MTUS2: variants seen among roughly 807,000 people sequenced by gnomAD.
MTUS2 encodes microtubule-associated tumor suppressor candidate 2.
Under a neutral mutation model 114.1 loss-of-function variants are expected in MTUS2, and 40 were observed. The ratio of observed to expected loss-of-function variants is 0.35; its 90% CI spans 0.27 to 0.46. The LOEUF is 0.46. Ranked by LOEUF, MTUS2 falls within the 20% of genes least tolerant of loss-of-function variation. The probability of loss-of-function intolerance (pLI) is 1.00; values close to 1 mark genes in which losing one functional copy is unlikely to be tolerated. For synonymous variants in MTUS2, 688 were observed against 672.0 expected (o/e 1.02, Z -0.37); for missense variants, 1,679 against 1,705.4 (o/e 0.98, Z 0.27).
intron 3 of MTUS2, among the ~76,000 whole-genome samples, chr13:29,029,169 G>A (rs1886699133): frequency 6.6e-6 from 1 of 152,152 alleles, no homozygotes; most frequent in South Asian, 2.1e-4. Flanking sequence ...CTGCCAACAG[G>A]CCTCTGATTA....
intron 2 of MTUS2, among the ~76,000 whole-genome samples, chr13:28,956,768 C>T (rs1039823353): frequency 3.0e-4 from 45 of 149,566 alleles, no homozygotes; most frequent in African/African-American, 1.0e-3. Flanking sequence ...GGAAGTGTGG[C>T]GGGGACAGAG....
At chr13:28,822,900 A>G (rs147905514) in intron 1 of MTUS2, among the ~76,000 whole-genome samples, 1 of 152,368 alleles carries the variant, frequency 6.6e-6, no homozygotes, top group African/African-American at 2.4e-5. Context: ...TGCTGAGAAA[A>G]TGCAAACTGC....
chr13:29,391,774 G>A (rs1252160837), intron 8 of MTUS2, among the ~76,000 whole-genome samples: 2 of 151,804 alleles, frequency 1.3e-5, no homozygotes, highest in East Asian at 1.9e-4. Context: ...ATCATTTTAG[G>A]TGTCCAATTC....
chr13:28,989,958 C>T (rs751711013), intron 2 of MTUS2, among the ~76,000 whole-genome samples: 7 of 151,422 alleles, frequency 4.6e-5, no homozygotes, highest in Non-Finnish European at 7.4e-5. Context: ...TCAGATTTGG[C>T]CTGTGTGCCT....
intron 2 of MTUS2, among the ~76,000 whole-genome samples, chr13:29,009,295 A>G (rs985234901): frequency 2.6e-5 from 4 of 152,092 alleles, no homozygotes; most frequent in African/African-American, 9.7e-5. Flanking sequence ...ATAAAGAGGA[A>G]CAAACTATTG....
intron 5 of MTUS2, among the ~76,000 whole-genome samples, chr13:29,189,196 C>T (rs1894345797): frequency 6.6e-6 from 1 of 152,188 alleles, no homozygotes; most frequent in Non-Finnish European, 1.5e-5. Context: ...AGGTGTGGCA[C>T]ACAGGAGGAG....
At chr13:29,086,659 A>G (rs1158022242) in intron 4 of MTUS2, among the ~76,000 whole-genome samples, 1 of 152,200 alleles carries the variant, frequency 6.6e-6, no homozygotes, top group African/African-American at 2.4e-5. Context: ...GTTCTGTGAA[A>G]AATGGCATTG....
intron 8 of MTUS2, among the ~76,000 whole-genome samples, chr13:29,381,155 T>A (rs1872173425): frequency 6.6e-6 from 1 of 152,164 alleles, no homozygotes; most frequent in African/African-American, 2.4e-5. Flanking sequence ...CAGGGGCATG[T>A]ATCTGGGCTT....
At chr13:29,097,684 T>G (rs1890236217) in intron 4 of MTUS2, among the ~76,000 whole-genome samples, 1 of 152,184 alleles carries the variant, frequency 6.6e-6, no homozygotes, top group Admixed American at 6.5e-5. Context: ...ACCACCATCT[T>G]CTCATTATAT....
chr13:29,181,729 A>G (rs1894013361), intron 5 of MTUS2, among the ~76,000 whole-genome samples: 2 of 151,980 alleles, frequency 1.3e-5, no homozygotes, highest in Admixed American at 1.3e-4. Context: ...TTTAAAAGGC[A>G]TTTTGAAATT....
intron 11 of MTUS2, among the ~76,000 whole-genome samples, chr13:29,490,998 T>TGTGTGTGC (rs1882021834): frequency 6.6e-6 from 1 of 151,280 alleles, no homozygotes; most frequent in African/African-American, 2.4e-5. Flanking sequence ...TGTGTGTGTG[T>TGTGTGTGC]GTGTGTGTGG....
In MTUS2 at chr13:29,105,570, A is replaced by G. The variant is rs139162572; in HGVS notation, c.2644+4600A>G. ...TTTCAAATACTGCCATGTTTTCTCC[A>G]TGGGATAACCTAAGAACAGAAATCA... On this transcript the variant is annotated intron_variant, in intron 5 of 15. Transcript: ENST00000612955. 9.4e-3 allele frequency among the ~76,000 whole-genome samples: 1,433 copies of G among 152,082 alleles called. 23 individuals carry two copies. Among genetic ancestry groups the G allele is most frequent in the African/African-American group, 0.033 (1,361 of 41,472 alleles).
intron 5 of MTUS2, among the ~76,000 whole-genome samples, chr13:29,260,682 T>G (rs1861837307): frequency 6.6e-6 from 1 of 152,256 alleles, no homozygotes; most frequent in Non-Finnish European, 1.5e-5. Context: ...CAGGATTTTT[T>G]TATGCTACCA....
At chr13:29,176,475 T>G (rs895668670) in intron 5 of MTUS2, among the ~76,000 whole-genome samples, 2 of 152,202 alleles carry the variant, frequency 1.3e-5, no homozygotes, top group Admixed American at 6.5e-5. Flanking sequence ...GTCCAGGGTC[T>G]TAGTCCACTT....
At chr13:28,869,535 G>T (rs752039938) in intron 2 of MTUS2, among the ~76,000 whole-genome samples, 20 of 152,302 alleles carry the variant, frequency 1.3e-4, no homozygotes, top group Admixed American at 7.8e-4. Flanking sequence ...CACTTTGGGA[G>T]GCTGAGGTGG....
chr13:28,960,987 A>G (rs1303056437), intron 2 of MTUS2, among the ~76,000 whole-genome samples: 3 of 152,198 alleles, frequency 2.0e-5, no homozygotes, highest in East Asian at 1.9e-4. Flanking sequence ...ACTGAAAAAT[A>G]TAATAAATAA....
chr13:29,337,828 G>T (rs1225262872), intron 7 of MTUS2, among the ~76,000 whole-genome samples: 2 of 142,870 alleles, frequency 1.4e-5, no homozygotes, highest in African/African-American at 2.7e-5. Context: ...TCGCTCTGTT[G>T]CCTGGGCTGG....
At chr13:29,370,785 A>G (rs1414027218) in intron 8 of MTUS2, among the ~76,000 whole-genome samples, 1 of 152,216 alleles carries the variant, frequency 6.6e-6, no homozygotes, top group Non-Finnish European at 1.5e-5. Context: ...GTCCACCAAA[A>G]TAAAAACCAA....
At chr13:28,938,398 CTT>C (rs1318521095) in intron 2 of MTUS2, among the ~76,000 whole-genome samples, 2 of 151,168 alleles carry the variant, frequency 1.3e-5, no homozygotes, top group Non-Finnish European at 3.0e-5. Context: ...AAAAAATAGT[CTT>C]TTTGATTTCC....
Sources: allele counts gnomAD v4.1 joint callset (sites outside exome capture counted in the v4.1 genomes callset), GRCh38; gene constraint gnomAD v4.1.1; transcripts MANE v1.5; gene names NCBI Gene and HGNC (gene_info 2026-07-23, HGNC 2026-07-21).